THSD4: variants seen among roughly 807,000 people sequenced by gnomAD.
The protein encoded by THSD4 is thrombospondin type-1 domain-containing protein 4.
In THSD4, 69 loss-of-function variants were observed where a neutral mutation model predicts 119.0. The ratio of observed to expected loss-of-function variants is 0.58; its 90% CI spans 0.48 to 0.71. THSD4 has a LOEUF of 0.71. THSD4 is among the 30% of genes least tolerant of loss of function. The probability of loss-of-function intolerance (pLI) is 0.00; values close to 1 mark genes in which losing one functional copy is unlikely to be tolerated. For missense variants in THSD4, 1,393 were observed against 1,391.1 expected (o/e 1.00, Z -0.02); for synonymous variants, 524 against 540.4 (o/e 0.97, Z 0.42).
intron 7 of THSD4, among the ~76,000 whole-genome samples, chr15:71,501,111 A>C (rs974326308): frequency 6.6e-6 from 1 of 152,220 alleles, no homozygotes; most frequent in Non-Finnish European, 1.5e-5. Context: ...ATCCATGAAC[A>C]TGATATGTCT....
intron 7 of THSD4, among the ~76,000 whole-genome samples, chr15:71,593,893 G>A (rs2049856098): frequency 6.7e-6 from 1 of 149,798 alleles, no homozygotes; most frequent in African/African-American, 2.5e-5. Context: ...AACAACACAA[G>A]ATCCTGACAC....
At chr15:71,494,287 T>A (rs958498688) in intron 7 of THSD4, among the ~76,000 whole-genome samples, 3 of 152,264 alleles carry the variant, frequency 2.0e-5, no homozygotes, top group East Asian at 1.9e-4. Flanking sequence ...TAACTTTTTT[T>A]AAAAAAAGGA....
intron 3 of THSD4, among the ~76,000 whole-genome samples, chr15:71,211,002 A>G (rs1240250249): frequency 2.6e-5 from 4 of 152,186 alleles, no homozygotes; most frequent in East Asian, 1.9e-4. Flanking sequence ...TGAACTACTA[A>G]AAGTAGAGCT....
chr15:71,568,083 C>T (rs976954640), intron 7 of THSD4, among the ~76,000 whole-genome samples: 1 of 152,000 alleles, frequency 6.6e-6, no homozygotes, highest in African/African-American at 2.4e-5. Context: ...ATACAAAAGC[C>T]AATTACACAC....
At chr15:71,458,061 C>T (rs551498504) in intron 7 of THSD4, among the ~76,000 whole-genome samples, 8 of 152,222 alleles carry the variant, frequency 5.3e-5, no homozygotes, top group East Asian at 1.9e-4. Flanking sequence ...TGAAACAATC[C>T]GGTGAAAATA....
chr15:71,770,555 T>A (rs935589227), intron 16 of THSD4, among the ~76,000 whole-genome samples: 2 of 151,964 alleles, frequency 1.3e-5, no homozygotes, highest in African/African-American at 2.4e-5. Flanking sequence ...CTGGGGAGGC[T>A]GAGGCAGCAG....
intron 7 of THSD4, 106 bp from the exon 8 acceptor site, chr15:71,660,424 C>A: frequency 7.2e-7 from 1 of 1,380,522 alleles, no homozygotes; most frequent in Non-Finnish European, 1.0e-6. Context: ...ATATACATTT[C>A]GTAAATAGCT....
intron 6 of THSD4, among the ~76,000 whole-genome samples, chr15:71,381,568 A>G (rs767393751): frequency 1.3e-5 from 2 of 152,186 alleles, no homozygotes; most frequent in Non-Finnish European, 2.9e-5. Context: ...AGTCCTTTCC[A>G]TCCTTTCCAT....
At chr15:71,635,212 C>T (rs1018933667) in intron 7 of THSD4, among the ~76,000 whole-genome samples, 4 of 152,126 alleles carry the variant, frequency 2.6e-5, no homozygotes, top group Non-Finnish European at 5.9e-5. Flanking sequence ...ATGTGAACAT[C>T]GGAGAAAAGC....
chr15:71,165,075 C>G (rs1433090710), intron 3 of THSD4: 4 of 1,609,244 alleles, frequency 2.5e-6, no homozygotes, highest in African/African-American at 1.3e-5. Flanking sequence ...GGATGTTCTC[C>G]TTTGATTTTT....
intron 10 of THSD4, among the ~76,000 whole-genome samples, chr15:71,734,707 G>T (rs1172259055): frequency 6.6e-6 from 1 of 151,878 alleles, no homozygotes; most frequent in Non-Finnish European, 1.5e-5. Flanking sequence ...GTCTGATGTG[G>T]GATGATGGTA....
At chr15:71,494,054 G>T (rs2047969827) in intron 7 of THSD4, among the ~76,000 whole-genome samples, 2 of 152,120 alleles carry the variant, frequency 1.3e-5, no homozygotes, top group African/African-American at 2.4e-5. Context: ...GGACACCCAG[G>T]TATAATCTAA....
At chr15:71,458,961 T>G (rs946907321) in intron 7 of THSD4, among the ~76,000 whole-genome samples, 1 of 152,130 alleles carries the variant, frequency 6.6e-6, no homozygotes, top group Non-Finnish European at 1.5e-5. Context: ...TCACAAGTTC[T>G]TTACTTTGCT....
chr15:71,168,304 C>T (rs1179837093), intron 3 of THSD4, among the ~76,000 whole-genome samples: 2 of 152,108 alleles, frequency 1.3e-5, no homozygotes, highest in Non-Finnish European at 2.9e-5. Context: ...ACTCCATGAA[C>T]AAGTTTTTTT....
chr15:71,683,622 A>G (rs2051844033), intron 8 of THSD4, among the ~76,000 whole-genome samples: 1 of 152,218 alleles, frequency 6.6e-6, no homozygotes, highest in Non-Finnish European at 1.5e-5. Flanking sequence ...TTCCAACCTG[A>G]TTCATGCCCA....
Position 71,416,756 on chromosome 15 carries a change from A to G in THSD4, c.1152+4933A>G, listed in dbSNP as rs558172875. On this transcript the variant is annotated intron_variant, in intron 7 of 17. Transcript: ENST00000261862. Reference sequence around the variant, plus strand: ...GTTTTGTTTTGTTTTGTTTTATTTTATTTTATTTTATTTTATTTTCGAGAT... The same window carrying G: ...GTTTTGTTTTGTTTTGTTTTATTTTGTTTTATTTTATTTTATTTTCGAGAT... Among the ~76,000 whole-genome samples the G allele has an allele frequency of 6.9e-4, 15 of 21,816 alleles. 3 individuals are homozygous for G. The highest frequency in any genetic ancestry group is 3.0e-3 in the East Asian group (3 of 1,000). 14.3% of individuals were successfully genotyped at this position (21,816 alleles called of 152,430 possible). A position where few individuals can be genotyped will look rare whatever the true frequency, so the allele number is the denominator to read the frequency against.
At chr15:71,279,364 C>T (rs12903080) in intron 6 of THSD4, among the ~76,000 whole-genome samples, 20,727 of 150,372 alleles carry the variant, frequency 0.14, 1,861 homozygotes, top group Middle Eastern at 0.33. Flanking sequence ...GTCATGATGC[C>T]TGGTCCTACA....
At chr15:71,182,614 T>C (rs1249812377) in intron 3 of THSD4, among the ~76,000 whole-genome samples, 1 of 151,832 alleles carries the variant, frequency 6.6e-6, no homozygotes, top group Admixed American at 6.6e-5. Context: ...CCAGGCCACA[T>C]TACAGTTAAA....
intron 7 of THSD4, chr15:71,547,587 A>C: frequency 7.5e-7 from 1 of 1,333,768 alleles, no homozygotes. Context: ...ATGGGGTGCA[A>C]AGAGTAATGC....
Sources: allele counts gnomAD v4.1 joint callset (sites outside exome capture counted in the v4.1 genomes callset), GRCh38; gene constraint gnomAD v4.1.1; transcripts MANE v1.5; gene names NCBI Gene and HGNC (gene_info 2026-07-23, HGNC 2026-07-21).